CAMK2D: variants seen among roughly 807,000 people sequenced by gnomAD.
CAMK2D encodes the protein calcium/calmodulin-dependent protein kinase type II subunit delta.
Under a neutral mutation model 84.0 loss-of-function variants are expected in CAMK2D, and 37 were observed. The observed-to-expected ratio is 0.44, with a 90% CI of 0.34 to 0.58. CAMK2D has a LOEUF of 0.58. CAMK2D is among the 20% of genes least tolerant of loss of function. The pLI, the probability that CAMK2D is intolerant of heterozygous loss-of-function variation, is 0.02. For missense variants in CAMK2D, 448 were observed against 652.5 expected, an observed-to-expected ratio of 0.69 and a Z score of 3.41; for synonymous variants, 202 against 212.5, an observed-to-expected ratio of 0.95 and a Z score of 0.43.
intron 4 of CAMK2D, among the ~76,000 whole-genome samples, chr4:113,566,545 AC>A (rs1357589960): frequency 1.3e-5 from 2 of 152,172 alleles, no homozygotes; most frequent in Non-Finnish European, 2.9e-5. Flanking sequence ...TTTCTAGAAC[AC>A]ACAGCATAAT....
In CAMK2D at chr4:113,726,374, CTT is replaced by C. The variant is rs34696947; in HGVS notation, c.160+32944_160+32945del. 9.1e-3 allele frequency among the ~76,000 whole-genome samples: 630 copies of C among 69,570 alleles called. 1 individual carries two copies. The highest frequency in any genetic ancestry group is 0.048 in the East Asian group (93 of 1,942). The allele number at this position is 69,570 out of a possible 152,430, so 45.6% of individuals were successfully genotyped here. On this transcript the variant is annotated intron_variant, in intron 2 of 20. Transcript: ENST00000511664. ...CATAAGATTGCTTGTTTTGCTTGGG[CTT>C]TTTTTTTTTTTTTTTTTTTTTTGAG...
At chr4:113,737,114 T>C (rs2099583044) in intron 2 of CAMK2D, among the ~76,000 whole-genome samples, 1 of 152,202 alleles carries the variant, frequency 6.6e-6, no homozygotes, top group South Asian at 2.1e-4. Flanking sequence ...ATAAACTTTA[T>C]CACTGATATA....
chr4:113,545,933 T>C (rs1712293479), intron 6 of CAMK2D, among the ~76,000 whole-genome samples: 1 of 152,228 alleles, frequency 6.6e-6, no homozygotes. Flanking sequence ...TTAGTGACGT[T>C]AGCTCATACG....
intron 2 of CAMK2D, among the ~76,000 whole-genome samples, chr4:113,708,747 G>C: frequency 6.6e-6 from 1 of 152,066 alleles, no homozygotes; most frequent in East Asian, 1.9e-4. Flanking sequence ...TGTTTTTTGA[G>C]ACAGTCTTGC....
chr4:113,487,579 G>C (rs879538950), intron 16 of CAMK2D, among the ~76,000 whole-genome samples: 1 of 151,986 alleles, frequency 6.6e-6, no homozygotes, highest in African/African-American at 2.4e-5. Flanking sequence ...AAGAAATTTT[G>C]TATGGAAACT....
rs370700178 is a variant in CAMK2D at position 113,554,692 on chromosome 4, A to G, written c.276-2596T>C. ...CTACTGAATTTTCTAACTTTAACAT[A>G]TTTTTATACTCACATTATTTTTTAA... On this transcript the variant is annotated intron_variant, in intron 4 of 20. Transcript: ENST00000511664. Among the ~76,000 whole-genome samples, 12 of 152,294 alleles carry G rather than the reference A, an allele frequency of 7.9e-5. No homozygotes were observed. In the East Asian group the frequency reaches 1.2e-3, roughly 15 times the overall value.
intron 4 of CAMK2D, among the ~76,000 whole-genome samples, chr4:113,568,817 G>A (rs1345238129): frequency 6.6e-6 from 1 of 151,686 alleles, no homozygotes; most frequent in Admixed American, 6.6e-5. Flanking sequence ...ATTTCACGGT[G>A]GTTTGATGTG....
At chr4:113,759,251 A>T (rs2099635381) in intron 2 of CAMK2D, 69 bp downstream of exon 2, 1 of 903,662 alleles carries the variant, frequency 1.1e-6, no homozygotes, top group Non-Finnish European at 1.8e-6. Flanking sequence ...ATATATTTAC[A>T]TACAACAGAA....
At chr4:113,562,587 AAAG>A (rs1209287111) in intron 4 of CAMK2D, among the ~76,000 whole-genome samples, 1 of 152,228 alleles carries the variant, frequency 6.6e-6, no homozygotes, top group Non-Finnish European at 1.5e-5. Flanking sequence ...CTAACATACG[AAAG>A]AAGGAGCAAC....
Position 113,543,892 on chromosome 4 carries a change from T to C in CAMK2D, c.414+3752A>G, listed in dbSNP as rs184055218. On this transcript the variant is annotated intron_variant, in intron 6 of 20. Coordinates refer to ENST00000511664, the MANE Select transcript of CAMK2D (RefSeq NM_001321571.2). The stretch of plus-strand genomic sequence containing the variant: ...CTGCAAGCTCCGCCTCCTGGGTTCA[T>C]GCCATTCTCCTGCCTCAGCCTCCCG... Among the ~76,000 whole-genome samples, 195 of 151,986 alleles carry C rather than the reference T, an allele frequency of 1.3e-3. 1 individual carries two copies. Among genetic ancestry groups the C allele is most frequent in the East Asian group, 6.4e-3 (33 of 5,134 alleles).
intron 6 of CAMK2D, among the ~76,000 whole-genome samples, chr4:113,544,003 G>A (rs1449155587): frequency 1.3e-5 from 2 of 151,956 alleles, no homozygotes; most frequent in Non-Finnish European, 2.9e-5. Context: ...ATGTTAGCCG[G>A]GATGGTCTCG....
At chr4:113,725,347 G>A (rs2099542736) in intron 2 of CAMK2D, among the ~76,000 whole-genome samples, 3 of 152,036 alleles carry the variant, frequency 2.0e-5, no homozygotes, top group Non-Finnish European at 4.4e-5. Flanking sequence ...GAAACAGGGT[G>A]TGAAAAAGAA....
At chr4:113,728,816 G>C (rs2099553730) in intron 2 of CAMK2D, among the ~76,000 whole-genome samples, 1 of 152,078 alleles carries the variant, frequency 6.6e-6, no homozygotes, top group Non-Finnish European at 1.5e-5. Flanking sequence ...GATCAAATGA[G>C]ATAATGGATA....
rs1256630838 is a variant in CAMK2D at position 113,761,651 on chromosome 4, G to A, written c.-583C>T. The A allele has an allele frequency of 3.0e-6, 3 of 984,962 alleles. No homozygotes were observed. The highest frequency in any genetic ancestry group is 6.2e-5 in the Admixed American group (1 of 16,252). The allele number at this position is 984,962 out of a possible 1,614,324, so 61.0% of individuals were successfully genotyped here. ...CGAGGCCGGCTTCCCTCCGGCGGGC[G>A]GCAGCGGCTCCGGCGAAGCGAGGCA... On this transcript the variant is annotated 5_prime_UTR_variant, in exon 1 of 21. Coordinates refer to ENST00000511664, the MANE Select transcript of CAMK2D (RefSeq NM_001321571.2).
At chr4:113,627,136 GA>G (rs376792797) in intron 3 of CAMK2D, among the ~76,000 whole-genome samples, 1 of 151,810 alleles carries the variant, frequency 6.6e-6, no homozygotes, top group Non-Finnish European at 1.5e-5. Context: ...TCTTTGAAGT[GA>G]AAAAAAGCAG....
chr4:113,467,062 C>T (rs1399301789), intron 16 of CAMK2D, among the ~76,000 whole-genome samples: 4 of 152,150 alleles, frequency 2.6e-5, no homozygotes, highest in Non-Finnish European at 4.4e-5. Flanking sequence ...TTCTTGATTT[C>T]AGAACACTGT....
intron 15 of CAMK2D, 28 bp downstream of exon 15, chr4:113,502,908 C>T: frequency 6.6e-7 from 1 of 1,521,222 alleles, no homozygotes; most frequent in Non-Finnish European, 9.1e-7. Context: ...CTTGTTAAAG[C>T]AAGATGATGT....
intron 2 of CAMK2D, 50 bp downstream of exon 2, chr4:113,759,270 C>A: frequency 8.7e-7 from 1 of 1,153,052 alleles, no homozygotes; most frequent in South Asian, 1.3e-5. Flanking sequence ...AACCTATAAT[C>A]AACATGACAA....
Position 113,513,886 on chromosome 4 carries a change from G to T in CAMK2D, c.847C>A (p.His283Asn). Residue 283 changes from histidine (H) to asparagine (N), a missense_variant, in exon 11 of 21, where the codon CAC (histidine) becomes AAC (asparagine). His to Asn is a moderately conservative substitution (Grantham distance 68, BLOSUM62 1). Transcript: ENST00000511664. ...CQRSTVASMM[H>N]RQETVDCLKK... ...AAGCAGTCTACAGTCTCCTGTCTGTGCATCATGGAAGCAACAGTAGAACGT... is the reference window on the plus strand; with the variant it reads ...AAGCAGTCTACAGTCTCCTGTCTGTTCATCATGGAAGCAACAGTAGAACGT... The T allele has an allele frequency of 6.3e-7, 1 of 1,588,866 alleles. No homozygotes were observed. Among genetic ancestry groups the T allele is most frequent in the Non-Finnish European group, 8.6e-7 (1 of 1,159,722 alleles).
Sources: allele counts gnomAD v4.1 joint callset (sites outside exome capture counted in the v4.1 genomes callset), GRCh38; gene constraint gnomAD v4.1.1; transcripts MANE v1.5; gene names NCBI Gene and HGNC (gene_info 2026-07-23, HGNC 2026-07-21).